The following EDEM1 variants were observed in gnomAD, a reference collection of about 807,000 sequenced individuals.
EDEM1 encodes ER degradation-enhancing alpha-mannosidase-like protein 1.
In EDEM1, 67 loss-of-function variants were observed where a neutral mutation model predicts 74.4. That is an observed-to-expected ratio of 0.90 (90% CI 0.74 to 1.10). The LOEUF (loss-of-function observed/expected upper bound fraction) is 1.10. Ranked by LOEUF, EDEM1 falls within the 50% of genes least tolerant of loss-of-function variation. The pLI is 0.00. For missense variants in EDEM1, 926 were observed against 851.6 expected (o/e 1.09, Z -1.09); for synonymous variants, 382 against 335.9 (o/e 1.14, Z -1.50).
At chr3:5,208,757 G>GTA (rs199683222) in intron 8 of EDEM1, among the ~76,000 whole-genome samples, 2,260 of 149,760 alleles carry the variant, frequency 0.015, 52 homozygotes, top group African/African-American at 0.054. Flanking sequence ...GTGTGTGTGT[G>GTA]TGTATATATA....
At chr3:5,188,395 C>G (rs989582347) in intron 1 of EDEM1, 81 bp downstream of exon 1, 11 of 1,308,266 alleles carry the variant, frequency 8.4e-6, no homozygotes, top group Non-Finnish European at 2.0e-6. Flanking sequence ...CCTCTGTCCT[C>G]CGGGGCCCCC....
rs541264788 is a variant in EDEM1, at chr3:5,219,381, C to A, written c.*3463C>A. 5.9e-5 allele frequency: 9 copies of A among 152,318 alleles called. No individual in the cohort carries two copies. The highest frequency in any genetic ancestry group is 5.9e-4 in the Admixed American group (9 of 15,302). 9.4% of individuals were successfully genotyped at this position (152,318 alleles called of 1,614,324 possible). A position where few individuals can be genotyped will look rare whatever the true frequency, so the allele number is the denominator to read the frequency against. ...CTTTAGAAGAAAATCCTGAGCTTTC[C>A]TGTCCATTCCCAGCATCCAGCTCCT... On this transcript the variant is annotated 3_prime_UTR_variant, in exon 12 of 12. Transcript: ENST00000256497.
Position 5,213,492 on chromosome 3 carries a change from T to C in EDEM1, c.1854T>C (p.His618=), listed in dbSNP as rs142859843. ...AGTCTGTGCACAGGCCGAAACCTCATGAGTTAAAAGTCATCAACTCCAGCT... is the reference window on the plus strand; with the variant it reads ...AGTCTGTGCACAGGCCGAAACCTCACGAGTTAAAAGTCATCAACTCCAGCT... The part of the protein sequence containing the change: ...GGKSVHRPKP[H]ELKVINSSSN... The change falls in exon 11 of 12, where the codon CAT becomes CAC. Residue 618 remains histidine (H), a synonymous_variant. Transcript: ENST00000256497. 2.7e-4 allele frequency: 433 copies of C among 1,613,520 alleles called. 4 individuals are homozygous for C. The African/African-American group carries it at 5.1e-3, about 19-fold the overall frequency.
chr3:5,204,330 T>C (rs1165083275), intron 5 of EDEM1, among the ~76,000 whole-genome samples: 1 of 152,116 alleles, frequency 6.6e-6, no homozygotes, highest in Non-Finnish European at 1.5e-5. Flanking sequence ...TGACCACTTT[T>C]GTTGTTGTTT....
chr3:5,188,813 C>T (rs940909034), intron 1 of EDEM1, among the ~76,000 whole-genome samples: 2 of 152,220 alleles, frequency 1.3e-5, no homozygotes, highest in Non-Finnish European at 2.9e-5. Flanking sequence ...GTTGACTTCT[C>T]CAAAGCCGTC....
intron 5 of EDEM1, among the ~76,000 whole-genome samples, chr3:5,204,592 A>G (rs931040077): frequency 6.6e-6 from 1 of 152,048 alleles, no homozygotes; most frequent in African/African-American, 2.4e-5. Flanking sequence ...GAGTTTCACC[A>G]TGTTGCCCAG....
chr3:5,209,572 A>C (rs1202601208), intron 8 of EDEM1, among the ~76,000 whole-genome samples: 1 of 152,184 alleles, frequency 6.6e-6, no homozygotes, highest in Admixed American at 6.5e-5. Context: ...AAAGATCCCC[A>C]ACTTTTAAAC....
chr3:5,210,100 G>A (rs985249290), intron 8 of EDEM1, 75 bp from the exon 9 acceptor site: 54 of 1,320,376 alleles, frequency 4.1e-5, no homozygotes, highest in Non-Finnish European at 5.4e-5. Flanking sequence ...GGGAAGCCCC[G>A]CAGTCACCAT....
chr3:5,207,940 G>A (rs2055118486), intron 7 of EDEM1, among the ~76,000 whole-genome samples, 153 bp from the exon 8 acceptor site: 1 of 152,164 alleles, frequency 6.6e-6, no homozygotes, highest in African/African-American at 2.4e-5. Context: ...TTATTTGTCT[G>A]GGTTGTCACT....
rs2055229927 is a variant in EDEM1 at position 5,215,966 on chromosome 3, C to T, written c.*48C>T. On this transcript the variant is annotated 3_prime_UTR_variant, in exon 12 of 12. Coordinates refer to ENST00000256497, the MANE Select transcript of EDEM1 (RefSeq NM_014674.3). ...CTTGAACCAGACCTTAACGACCAAACCCAGACCATGCCAAAGTCCAGTCTG... is the reference window on the plus strand; with the variant it reads ...CTTGAACCAGACCTTAACGACCAAATCCAGACCATGCCAAAGTCCAGTCTG... The T allele has an allele frequency of 6.6e-7, 1 of 1,511,088 alleles. No individual in the cohort carries two copies. Among genetic ancestry groups the T allele is most frequent in the Non-Finnish European group, 9.1e-7 (1 of 1,098,342 alleles). The allele number at this position is 1,511,088 out of a possible 1,614,324, so 93.6% of individuals were successfully genotyped here.
chr3:5,212,496 G>T (rs563734593), intron 10 of EDEM1, among the ~76,000 whole-genome samples: 3 of 152,336 alleles, frequency 2.0e-5, no homozygotes, highest in African/African-American at 7.2e-5. Flanking sequence ...GACCCTGGAG[G>T]GTGTGCTAGC....
chr3:5,204,996 G>A, intron 5 of EDEM1, 71 bp from the exon 6 acceptor site: 1 of 1,544,994 alleles, frequency 6.5e-7, no homozygotes, highest in Non-Finnish European at 8.8e-7. Flanking sequence ...GTTGGAGTAG[G>A]AGGCCTGTCT....
Position 5,205,099 on chromosome 3 carries a change from G to A in EDEM1, c.1075G>A (p.Val359Ile). The A allele has an allele frequency of 1.9e-6, 3 of 1,614,194 alleles. No homozygotes were observed. The highest frequency in any genetic ancestry group is 2.5e-6 in the Non-Finnish European group (3 of 1,180,010). Residue 359 changes from valine to isoleucine, a missense_variant, in exon 6 of 12, where the codon GTT becomes ATT. Transcript: ENST00000256497. ...NVVNIQTGHW[V>I]GKQSGLGAGL... The stretch of plus-strand genomic sequence containing the variant: ...CGTGAACATTCAGACGGGCCACTGG[G>A]TTGGAAAGCAGAGTGGCCTGGGTGC...
chr3:5,209,780 G>A (rs1472097335), intron 8 of EDEM1, among the ~76,000 whole-genome samples: 1 of 152,130 alleles, frequency 6.6e-6, no homozygotes, highest in African/African-American at 2.4e-5. Context: ...CTGGAATGGC[G>A]GCAAGGTCCT....
intron 2 of EDEM1, among the ~76,000 whole-genome samples, chr3:5,197,685 C>T (rs1352022789): frequency 6.6e-6 from 1 of 152,192 alleles, no homozygotes; most frequent in Admixed American, 6.5e-5. Flanking sequence ...TTTTCCTTTT[C>T]TTTTGCTAAC....
intron 1 of EDEM1, among the ~76,000 whole-genome samples, chr3:5,190,837 C>T (rs955829700): frequency 6.6e-6 from 1 of 152,038 alleles, no homozygotes; most frequent in African/African-American, 2.4e-5. Context: ...ACTCTCCTTC[C>T]TTTAACTCCT....
At position 5,201,903 on chromosome 3, in the gene EDEM1, G is replaced by C. The variant is rs954662766; in HGVS notation, c.837G>C (p.Lys279Asn). ...VRLLPAFENTKTGIPYPRVNL... is the reference protein window; with the variant it reads ...VRLLPAFENTNTGIPYPRVNL... The stretch of plus-strand genomic sequence containing the variant: ...TCCTCCCTGCTTTTGAAAACACCAA[G>C]ACAGGGATTCCATATCCTCGGGTGG... The change falls in exon 4 of 12, where the codon AAG becomes AAC. Residue 279 changes from lysine to asparagine, a missense_variant. Physicochemically the swap from Lys to Asn is moderately conservative, Grantham distance 94 (BLOSUM62 0). Transcript: ENST00000256497. 17 of 1,613,816 alleles carry C rather than the reference G, an allele frequency of 1.1e-5. No individual in the cohort carries two copies. The highest frequency in any genetic ancestry group is 1.7e-5 in the Admixed American group (1 of 59,958).
Position 5,207,186 on chromosome 3 carries a change from T to C in EDEM1, c.1251T>C (p.Pro417=). The change falls in exon 7 of 12, where the codon CCT becomes CCC. Residue 417 remains proline (P), a synonymous_variant. Coordinates refer to ENST00000256497, the MANE Select transcript of EDEM1 (RefSeq NM_014674.3). ...REACNEGEGD[P]PLYVNVNMFS... ...CCTGCAATGAAGGAGAAGGAGACCC[T>C]CCACTCTATGTCAACGTGAACATGT... 1 of 1,614,156 alleles carries C rather than the reference T, an allele frequency of 6.2e-7. No individual in the cohort carries two copies. The highest frequency in any genetic ancestry group is 8.5e-7 in the Non-Finnish European group (1 of 1,180,014).
In EDEM1 at chr3:5,187,994, T is replaced by G. The variant is rs2054846614; in HGVS notation, c.189T>G (p.Pro63=). 1 of 1,517,598 alleles carries G rather than the reference T, an allele frequency of 6.6e-7. No individual in the cohort carries two copies. The highest frequency in any genetic ancestry group is 8.8e-7 in the Non-Finnish European group (1 of 1,135,268). 94.0% of individuals were successfully genotyped at this position (1,517,598 alleles called of 1,614,324 possible). A position where few individuals can be genotyped will look rare whatever the true frequency, so the allele number is the denominator to read the frequency against. Reference sequence around the variant, plus strand: ...CCACCTCGGGGCCCGTGGGCCGGCCTGGGGGGGTATCCGGGCCGTCGTGGC... The same window carrying G: ...CCACCTCGGGGCCCGTGGGCCGGCCGGGGGGGGTATCCGGGCCGTCGTGGC... The part of the protein sequence containing the change: ...ASPTSGPVGR[P]GGVSGPSWLQ... Residue 63 remains proline, a synonymous_variant, in exon 1 of 12, where the codon CCT becomes CCG. Transcript: ENST00000256497.
Sources: gnomAD v4.1 joint callset for allele counts (sites outside exome capture counted in the v4.1 genomes callset) on GRCh38, gnomAD v4.1.1 for gene constraint, MANE v1.5 for transcripts, NCBI Gene and HGNC (gene_info 2026-07-23, HGNC 2026-07-21) for gene names.